The following CDH8 variants were observed in gnomAD, a reference collection of about 807,000 sequenced individuals.
CDH8 encodes cadherin 8.
Under a neutral mutation model 68.1 loss-of-function variants are expected in CDH8, and 17 were observed. The ratio of observed to expected loss-of-function variants is 0.25; its 90% CI spans 0.17 to 0.37. The LOEUF (loss-of-function observed/expected upper bound fraction) is 0.37, where lower values mean the gene tolerates loss of function less well. Ranked by LOEUF, CDH8 falls within the 10% of genes least tolerant of loss-of-function variation. The probability of loss-of-function intolerance (pLI) is 1.00; values close to 1 mark genes in which losing one functional copy is unlikely to be tolerated. For missense variants in CDH8, 763 were observed against 999.3 expected (o/e 0.76, Z 3.19); for synonymous variants, 372 against 365.1 (o/e 1.02, Z -0.21).
chr16:61,869,982 C>A (rs1963326574), intron 3 of CDH8, among the ~76,000 whole-genome samples: 1 of 152,176 alleles, frequency 6.6e-6, no homozygotes, highest in South Asian at 2.1e-4. Flanking sequence ...ACAGCTGCGA[C>A]ATTTTTCTTT....
At chr16:61,917,280 G>C (rs1964255440) in intron 2 of CDH8, among the ~76,000 whole-genome samples, 1 of 152,038 alleles carries the variant, frequency 6.6e-6, no homozygotes, top group African/African-American at 2.4e-5. Context: ...GGATGGCCTT[G>C]AACCAATTCA....
At chr16:61,671,910 T>C (rs886737855) in intron 10 of CDH8, among the ~76,000 whole-genome samples, 1 of 152,088 alleles carries the variant, frequency 6.6e-6, no homozygotes, top group African/African-American at 2.4e-5. Context: ...GTCACCCTTA[T>C]GATTGAAACA....
At chr16:61,733,219 G>T (rs1959583606) in intron 8 of CDH8, among the ~76,000 whole-genome samples, 1 of 151,722 alleles carries the variant, frequency 6.6e-6, no homozygotes, top group African/African-American at 2.4e-5. Flanking sequence ...ATTCTGCCAA[G>T]TAAAATGTAT....
At chr16:61,792,620 A>G (rs189729345) in intron 7 of CDH8, among the ~76,000 whole-genome samples, 1 of 152,172 alleles carries the variant, frequency 6.6e-6, no homozygotes, top group East Asian at 1.9e-4. Context: ...CTTAGGAACT[A>G]GGACATTTTA....
At chr16:61,883,560 AG>A (rs1349157432) in intron 3 of CDH8, among the ~76,000 whole-genome samples, 1 of 151,884 alleles carries the variant, frequency 6.6e-6, no homozygotes, top group Non-Finnish European at 1.5e-5. Flanking sequence ...TGATACTAAT[AG>A]TGAGATAAAG....
intron 2 of CDH8, among the ~76,000 whole-genome samples, chr16:61,966,828 T>G (rs999609271): frequency 6.6e-6 from 1 of 152,198 alleles, no homozygotes; most frequent in African/African-American, 2.4e-5. Context: ...TGCAAAGCCC[T>G]GCACTAGAAC....
chr16:62,028,906 T>C (rs1902260240), intron 1 of CDH8, among the ~76,000 whole-genome samples: 1 of 152,204 alleles, frequency 6.6e-6, no homozygotes, highest in African/African-American at 2.4e-5. Context: ...AGAGACCTAC[T>C]GAGTGACAAC....
At chr16:62,010,328 G>C (rs1280534612) in intron 2 of CDH8, among the ~76,000 whole-genome samples, 1 of 152,086 alleles carries the variant, frequency 6.6e-6, no homozygotes, top group African/African-American at 2.4e-5. Flanking sequence ...TGGGGTCACA[G>C]CCTAGCACAC....
intron 2 of CDH8, among the ~76,000 whole-genome samples, chr16:61,935,755 ACT>A (rs1964617758): frequency 6.6e-6 from 1 of 151,928 alleles, no homozygotes; most frequent in African/African-American, 2.4e-5. Context: ...CATCTATTAG[ACT>A]CTGTGCACCT....
At position 61,817,580 on chromosome 16, in the gene CDH8, A is replaced by C; in HGVS notation, c.1176T>G (p.Ser392=). The C allele has an allele frequency of 6.2e-7, 1 of 1,614,058 alleles. No individual in the cohort carries two copies. The highest frequency in any genetic ancestry group is 8.5e-7 in the Non-Finnish European group (1 of 1,179,982). The part of the protein sequence containing the change: ...VEDADEPPVF[S]SPTYLLEVHE... ...GAACTTCAAGTAGGTAAGTCGGTGA[A>C]GAGAAGACCGGAGGCTCATCAGCAT... The change falls in exon 7 of 12, where the codon TCT becomes TCG. Residue 392 remains serine, a synonymous_variant. Transcript: ENST00000577390.
At chr16:61,718,891 A>T (rs965118573) in intron 9 of CDH8, among the ~76,000 whole-genome samples, 2 of 151,356 alleles carry the variant, frequency 1.3e-5, no homozygotes, top group African/African-American at 4.8e-5. Context: ...TACAAGACAA[A>T]TCAAGTTATA....
intron 5 of CDH8, 48 bp from the exon 6 acceptor site, chr16:61,821,161 C>A: frequency 1.4e-6 from 2 of 1,457,230 alleles, no homozygotes; most frequent in South Asian, 2.5e-5. Flanking sequence ...TCCAACCATT[C>A]ATTCATTCAT....
intron 2 of CDH8, among the ~76,000 whole-genome samples, chr16:61,906,991 A>G (rs1964073145): frequency 6.6e-6 from 1 of 152,228 alleles, no homozygotes; most frequent in South Asian, 2.1e-4. Flanking sequence ...CACAGTCATC[A>G]CTGCTTTCAA....
chr16:61,653,504 T>C lies in CDH8; in HGVS notation c.*104A>G. 6.6e-7 allele frequency: 1 copy of C among 1,506,046 alleles called. No homozygotes were observed. Among genetic ancestry groups the C allele is most frequent in the Admixed American group, 2.3e-5 (1 of 42,920 alleles). 93.3% of individuals were successfully genotyped at this position (1,506,046 alleles called of 1,614,324 possible). On this transcript the variant is annotated 3_prime_UTR_variant, in exon 12 of 12. Transcript: ENST00000577390. ...GGTTGAGTTTATAGATGACTGGTGC[T>C]AAACTTGCCTCTAAAACAAATAGCC...
At position 61,768,390 on chromosome 16, in the gene CDH8, CTCTCCCTT is replaced by C. The variant is rs1161551103; in HGVS notation, c.1414+20948_1414+20955del. Among the ~76,000 whole-genome samples, 72 of 78,242 alleles carry C rather than the reference CTCTCCCTT, an allele frequency of 9.2e-4. 5 individuals are homozygous for C. Among genetic ancestry groups the C allele is most frequent in the African/African-American group, 3.0e-3 (46 of 15,258 alleles). The allele number at this position is 78,242 out of a possible 152,430, so 51.3% of individuals were successfully genotyped here. The stretch of plus-strand genomic sequence containing the variant: ...TCTCCCTTTCTCTCTCTCTCTCTCT[CTCTCCCTT>C]TCTCTCTCTCTCTCTCTCTCTCTCT... On this transcript the variant is annotated intron_variant, in intron 8 of 11. Coordinates refer to ENST00000577390, the MANE Select transcript of CDH8 (RefSeq NM_001796.5).
In CDH8 at chr16:61,647,929, G is replaced by T; in HGVS notation, c.*5679C>A. The T allele has an allele frequency of 1.5e-6, 1 of 678,580 alleles. No individual in the cohort carries two copies. The highest frequency in any genetic ancestry group is 2.7e-6 in the Non-Finnish European group (1 of 374,528). The allele number at this position is 678,580 out of a possible 1,614,324, so 42.0% of individuals were successfully genotyped here. A position where few individuals can be genotyped will look rare whatever the true frequency, so the allele number is the denominator to read the frequency against. On this transcript the variant is annotated 3_prime_UTR_variant, in exon 12 of 12. Coordinates refer to ENST00000577390, the MANE Select transcript of CDH8 (RefSeq NM_001796.5). ...GAAATATCTATTATCTATTAGTAGGGATACTTGCAAGAAATAATACTTGCA... is the reference window on the plus strand; with the variant it reads ...GAAATATCTATTATCTATTAGTAGGTATACTTGCAAGAAATAATACTTGCA...
intron 10 of CDH8, among the ~76,000 whole-genome samples, chr16:61,675,626 A>T (rs1963890884): frequency 1.5e-5 from 1 of 65,450 alleles, no homozygotes; most frequent in Non-Finnish European, 2.7e-5. Flanking sequence ...AATAAAAAAA[A>T]TAAAAAAAAA....
chr16:61,744,137 T>A (rs1405074341), intron 8 of CDH8, among the ~76,000 whole-genome samples: 1 of 152,140 alleles, frequency 6.6e-6, no homozygotes, highest in Non-Finnish European at 1.5e-5. Context: ...CAGTATTTTA[T>A]ACCTTTCAAT....
rs547541619 is a variant in CDH8, at chr16:61,739,162, G to C, written c.1415-11947C>G. On this transcript the variant is annotated intron_variant, in intron 8 of 11. Transcript: ENST00000577390. ...ATTTCCCCCTAATTGTTTCAAATAG[G>C]ATTGACTCGAGATTATTGGAAGTGA... Among the ~76,000 whole-genome samples the C allele has an allele frequency of 3.3e-5, 5 of 152,110 alleles. No individual in the cohort carries two copies. In the South Asian group the frequency reaches 1.0e-3, roughly 32 times the overall value.
Sources: allele counts gnomAD v4.1 joint callset (sites outside exome capture counted in the v4.1 genomes callset), GRCh38; gene constraint gnomAD v4.1.1; transcripts MANE v1.5; gene names NCBI Gene and HGNC (gene_info 2026-07-23, HGNC 2026-07-21).